The following SLIT2 variants were observed in gnomAD, a reference collection of about 807,000 sequenced individuals.
The protein encoded by SLIT2 is slit homolog 2 protein.
A neutral mutation model predicts 185.7 loss-of-function variants in SLIT2; 41 were observed. The observed-to-expected ratio is 0.22, with a 90% CI of 0.17 to 0.29. SLIT2 has a LOEUF of 0.29. SLIT2 is among the 10% of genes least tolerant of loss of function. SLIT2 has a pLI of 1.00. For missense variants in SLIT2, 1,571 were observed against 1,909.0 expected, an observed-to-expected ratio of 0.82 and a Z score of 3.30; for synonymous variants, 693 against 680.2, an observed-to-expected ratio of 1.02 and a Z score of -0.29.
chr4:20,495,766 A>T (rs1718178761), intron 9 of SLIT2, among the ~76,000 whole-genome samples: 1 of 152,186 alleles, frequency 6.6e-6, no homozygotes, highest in Non-Finnish European at 1.5e-5. Context: ...TCAGTAGAGC[A>T]TCTGGTAATA....
At chr4:20,509,228 T>A (rs1047643109) in intron 9 of SLIT2, among the ~76,000 whole-genome samples, 1 of 151,838 alleles carries the variant, frequency 6.6e-6, no homozygotes, top group African/African-American at 2.4e-5. Flanking sequence ...CTCATGCCAG[T>A]TGAGCTTTAT....
intron 29 of SLIT2, among the ~76,000 whole-genome samples, chr4:20,582,826 T>C (rs1332321345): frequency 6.6e-6 from 1 of 152,208 alleles, no homozygotes; most frequent in African/African-American, 2.4e-5. Context: ...GGGGCCATTA[T>C]TAAGTAAAAT....
intron 4 of SLIT2, among the ~76,000 whole-genome samples, chr4:20,435,874 A>C (rs1302246876): frequency 6.6e-6 from 1 of 152,208 alleles, no homozygotes; most frequent in African/African-American, 2.4e-5. Flanking sequence ...AGATAAATTT[A>C]ACTTGCATTT....
chr4:20,261,698 T>A (rs879407663), intron 3 of SLIT2, among the ~76,000 whole-genome samples: 6 of 151,926 alleles, frequency 3.9e-5, no homozygotes, highest in Admixed American at 3.3e-4. Flanking sequence ...TAGGATGTTT[T>A]ATTATTTACT....
At chr4:20,614,670 G>C (rs1010498798) in intron 34 of SLIT2, among the ~76,000 whole-genome samples, 4 of 151,752 alleles carry the variant, frequency 2.6e-5, no homozygotes, top group African/African-American at 4.8e-5. Flanking sequence ...CCAGCTTCTC[G>C]GGAGGCTGAA....
chr4:20,419,107 CTT>C (rs1727951196), intron 4 of SLIT2, among the ~76,000 whole-genome samples: 1 of 152,148 alleles, frequency 6.6e-6, no homozygotes, highest in South Asian at 2.1e-4. Flanking sequence ...ATTATACACA[CTT>C]TCAATTTCAA....
At chr4:20,594,617 G>T (rs952204476) in intron 30 of SLIT2, among the ~76,000 whole-genome samples, 6 of 152,012 alleles carry the variant, frequency 3.9e-5, no homozygotes, top group African/African-American at 1.4e-4. Flanking sequence ...GAAAACTGCT[G>T]CACGTGCCAC....
intron 19 of SLIT2, 103 bp downstream of exon 19, chr4:20,539,687 T>A: frequency 1.3e-6 from 1 of 765,312 alleles, no homozygotes; most frequent in African/African-American, 1.8e-5. Flanking sequence ...TGATCAAGGG[T>A]TTTAGGACTT....
At chr4:20,472,257 T>TGCAGTAAAGC (rs1577721930) in intron 5 of SLIT2, among the ~76,000 whole-genome samples, 2 of 56,512 alleles carry the variant, frequency 3.5e-5, no homozygotes, top group East Asian at 9.1e-4. Context: ...TATATATAGA[T>TGCAGTAAAGC]CTATATATAG....
At chr4:20,385,688 C>A (rs1251934788) in intron 4 of SLIT2, among the ~76,000 whole-genome samples, 2 of 152,112 alleles carry the variant, frequency 1.3e-5, no homozygotes, top group African/African-American at 4.8e-5. Flanking sequence ...GAGCACATAC[C>A]AGCACTTAGG....
intron 4 of SLIT2, chr4:20,394,458 C>T (rs1429098046): frequency 6.6e-6 from 1 of 151,866 alleles, no homozygotes; most frequent in African/African-American, 2.4e-5. Context: ...GCATGTGATC[C>T]AAAGCATTAC....
At chr4:20,492,184 C>T (rs1717842591) in intron 9 of SLIT2, among the ~76,000 whole-genome samples, 4 of 152,168 alleles carry the variant, frequency 2.6e-5, no homozygotes, top group Admixed American at 2.0e-4. Flanking sequence ...TGGGCCTGTA[C>T]ATCTGTGGTT....
chr4:20,589,570 G>T, intron 29 of SLIT2, 74 bp from the exon 30 acceptor site: 1 of 1,125,334 alleles, frequency 8.9e-7, no homozygotes, highest in South Asian at 1.3e-5. Context: ...TAAGACCCAT[G>T]ACAATGACAC....
intron 26 of SLIT2, among the ~76,000 whole-genome samples, chr4:20,562,638 T>C (rs542706479): frequency 6.6e-6 from 1 of 151,926 alleles, no homozygotes; most frequent in South Asian, 2.1e-4. Flanking sequence ...ACAATGTAGA[T>C]GCTCAGTAAA....
At chr4:20,543,324 C>G (rs1032318544) in intron 21 of SLIT2, among the ~76,000 whole-genome samples, 9 of 152,076 alleles carry the variant, frequency 5.9e-5, no homozygotes, top group Non-Finnish European at 1.3e-4. Context: ...GCACTGCCCA[C>G]GCTCCCTTGG....
intron 4 of SLIT2, among the ~76,000 whole-genome samples, chr4:20,301,603 G>A (rs866918042): frequency 6.6e-6 from 1 of 152,128 alleles, no homozygotes; most frequent in East Asian, 1.9e-4. Flanking sequence ...TTCACTAGAA[G>A]AGCTAAGGAA....
chr4:20,553,757 A>ATG (rs754599081), intron 25 of SLIT2, 48 bp from the exon 26 acceptor site: 51 of 1,162,990 alleles, frequency 4.4e-5, no homozygotes, highest in African/African-American at 8.8e-5. Flanking sequence ...GTGTGTGTGT[A>ATG]TGTGTGTGTG....
At chr4:20,567,478 G>T (rs775245894) in intron 27 of SLIT2, 40 bp from the exon 28 acceptor site, 2 of 1,609,300 alleles carry the variant, frequency 1.2e-6, no homozygotes, top group South Asian at 1.1e-5. Flanking sequence ...TATGTGCCAA[G>T]AACTACTTCA....
intron 4 of SLIT2, among the ~76,000 whole-genome samples, chr4:20,449,706 C>CA (rs1278609888): frequency 6.6e-6 from 1 of 151,604 alleles, no homozygotes; most frequent in Non-Finnish European, 1.5e-5. Context: ...CGCACCCGGC[C>CA]AAAAAAACAT....
Sources: gnomAD v4.1 joint callset for allele counts (sites outside exome capture counted in the v4.1 genomes callset) on GRCh38, gnomAD v4.1.1 for gene constraint, MANE v1.5 for transcripts, NCBI Gene and HGNC (gene_info 2026-07-23, HGNC 2026-07-21) for gene names.